Variants in RFWD3 observed in about 807,000 individuals in gnomAD.
The protein encoded by RFWD3 is ring finger and WD repeat domain 3, also known as E3 ubiquitin-protein ligase RFWD3.
A neutral mutation model predicts 87.7 loss-of-function variants in RFWD3; 65 were observed. The observed-to-expected ratio is 0.74, with a 90% CI of 0.61 to 0.91. The LOEUF is 0.91. Among genes scored for constraint, RFWD3 ranks in the 40% least tolerant of loss-of-function variants. RFWD3 has a pLI of 0.00. For synonymous variants in RFWD3, 433 were observed against 352.8 expected (o/e 1.23, Z -2.55); for missense variants, 1,078 against 938.5 (o/e 1.15, Z -1.94).
Position 74,630,918 on chromosome 16 carries a change from T to C in RFWD3, c.1617A>G (p.Gly539=), listed in dbSNP as rs1472614446. 6.2e-7 allele frequency: 1 copy of C among 1,613,950 alleles called. No individual in the cohort carries two copies. Among genetic ancestry groups the C allele is most frequent in the South Asian group, 1.1e-5 (1 of 91,036 alleles). The part of the protein sequence containing the change: ...TNTVVQTYNA[G]RPVWSCCWCL... Reference sequence around the variant, plus strand: ...ACCAGCAACAGCTCCAGACAGGACGTCCAGCATTATAAGTCTGGACCACGG... The same window carrying C: ...ACCAGCAACAGCTCCAGACAGGACGCCCAGCATTATAAGTCTGGACCACGG... The change falls in exon 10 of 13, where the codon GGA becomes GGG. Residue 539 remains glycine (G), a synonymous_variant. Coordinates refer to ENST00000361070, the MANE Select transcript of RFWD3 (RefSeq NM_018124.4).
At chr16:74,627,831 A>G (rs909012553) in intron 11 of RFWD3, among the ~76,000 whole-genome samples, 3 of 152,060 alleles carry the variant, frequency 2.0e-5, no homozygotes, top group African/African-American at 7.3e-5. Flanking sequence ...TAGAGTTTAT[A>G]GCCACTCTCC....
chr16:74,624,801 G>C (rs898434981), intron 12 of RFWD3, among the ~76,000 whole-genome samples: 4 of 152,310 alleles, frequency 2.6e-5, no homozygotes, highest in African/African-American at 9.6e-5. Flanking sequence ...ATTGAGACCA[G>C]CTGGGGCAAT....
rs1958811138 is a variant in RFWD3, at chr16:74,622,948, A to G, written c.*980T>C. 1 of 152,358 alleles carries G rather than the reference A, an allele frequency of 6.6e-6. No homozygotes were observed. Among genetic ancestry groups the G allele is most frequent in the African/African-American group, 2.4e-5 (1 of 41,584 alleles). The allele number at this position is 152,358 out of a possible 1,614,324, so 9.4% of individuals were successfully genotyped here. On this transcript the variant is annotated 3_prime_UTR_variant, in exon 13 of 13. Transcript: ENST00000361070. Reference sequence around the variant, plus strand: ...GCTTTATTTAGATAGGAACTCTCAAAATGGGAGACAAGTTCTTCTCATGTT... The same window carrying G: ...GCTTTATTTAGATAGGAACTCTCAAGATGGGAGACAAGTTCTTCTCATGTT...
At chr16:74,644,848 G>A (rs1959998477) in intron 4 of RFWD3, 113 bp from the exon 5 acceptor site, 1 of 916,264 alleles carries the variant, frequency 1.1e-6, no homozygotes, top group African/African-American at 1.7e-5. Context: ...AATCAAAAGG[G>A]CTACAGAACA....
intron 2 of RFWD3, 156 bp downstream of exon 2, chr16:74,660,776 G>T (rs2144351676): frequency 2.7e-6 from 2 of 749,266 alleles, no homozygotes; most frequent in East Asian, 5.1e-5. Context: ...ACTTTGTGAA[G>T]TAAGGCAAGC....
At chr16:74,652,847 G>A (rs1247881644) in intron 2 of RFWD3, among the ~76,000 whole-genome samples, 2 of 152,098 alleles carry the variant, frequency 1.3e-5, no homozygotes, top group Admixed American at 1.3e-4. Context: ...CAGAATTAAT[G>A]AAACTTTATA....
chr16:74,649,327 T>A, intron 3 of RFWD3, 125 bp from the exon 4 acceptor site: 1 of 611,344 alleles, frequency 1.6e-6, no homozygotes, highest in Non-Finnish European at 2.8e-6. Flanking sequence ...ACAGTGTTCC[T>A]GCAAAAAGGA....
chr16:74,630,726 A>G (rs1342529510), intron 10 of RFWD3, 55 bp downstream of exon 10: 2 of 1,483,712 alleles, frequency 1.3e-6, no homozygotes, highest in Admixed American at 2.3e-5. Context: ...GATTAACACA[A>G]TAATAAGCCA....
At position 74,661,024 on chromosome 16, in the gene RFWD3, T is replaced by G. The variant is rs1468651098; in HGVS notation, c.426A>C (p.Ser142=). Residue 142 remains serine, a synonymous_variant, in exon 2 of 13, where the codon TCA becomes TCC. Coordinates refer to ENST00000361070, the MANE Select transcript of RFWD3 (RefSeq NM_018124.4). ...GMLEFLRPSS[S]NHSVGPMRTR... ...TTCTCATTGGCCCTACACTGTGGTT[T>G]GAAGATGAAGGTCTCAGGAATTCCA... 1.2e-6 allele frequency: 2 copies of G among 1,614,090 alleles called. No individual in the cohort carries two copies. Among genetic ancestry groups the G allele is most frequent in the East Asian group, 2.2e-5 (1 of 44,904 alleles).
At chr16:74,663,186 G>A (rs546871459) in intron 1 of RFWD3, among the ~76,000 whole-genome samples, 124 of 152,114 alleles carry the variant, frequency 8.2e-4, no homozygotes, top group Non-Finnish European at 1.3e-3. Context: ...TTATAGGCAT[G>A]AGCCACCGCG....
chr16:74,639,549 A>C (rs1313395852), intron 6 of RFWD3, among the ~76,000 whole-genome samples: 1 of 152,236 alleles, frequency 6.6e-6, no homozygotes, highest in Non-Finnish European at 1.5e-5. Context: ...AAATGGAAGG[A>C]TATTACATAA....
chr16:74,649,069 G>C, intron 4 of RFWD3, 63 bp downstream of exon 4: 1 of 1,115,620 alleles, frequency 9.0e-7, no homozygotes, highest in Non-Finnish European at 1.3e-6. Flanking sequence ...GTGAGAGTGA[G>C]ACCTAGTCTC....
intron 1 of RFWD3, chr16:74,664,851 C>G (rs1961750839): frequency 6.6e-6 from 1 of 152,226 alleles, no homozygotes; most frequent in Non-Finnish European, 1.5e-5. Context: ...TACTGGACAG[C>G]AGAAATACAG....
intron 2 of RFWD3, among the ~76,000 whole-genome samples, chr16:74,653,124 T>C (rs1233706194): frequency 6.6e-6 from 1 of 151,974 alleles, no homozygotes; most frequent in Admixed American, 6.6e-5. Context: ...AAACTGCTTG[T>C]GCCTAGGAGT....
chr16:74,632,157 G>T (rs548717412), intron 9 of RFWD3, among the ~76,000 whole-genome samples: 1 of 151,826 alleles, frequency 6.6e-6, no homozygotes, highest in Admixed American at 6.6e-5. Context: ...TCAGGAGGCC[G>T]AGGCGGGCGG....
rs750829372 is a variant in RFWD3 at position 74,632,647 on chromosome 16, C to T, written c.1453G>A (p.Ala485Thr). The T allele has an allele frequency of 1.2e-6, 2 of 1,614,076 alleles. No individual in the cohort carries two copies. Among genetic ancestry groups the T allele is most frequent in the Non-Finnish European group, 1.7e-6 (2 of 1,179,988 alleles). The change falls in exon 9 of 13, where the codon GCC (alanine) becomes ACC (threonine). Residue 485 changes from alanine to threonine, a missense_variant. Transcript: ENST00000361070. ...PGFGVKMLST[A>T]NMKSSQYIPM... is the part of the protein sequence containing the mutation. ...ATGTACTGACTGCTCTTCATGTTGG[C>T]AGTACTCAACATCTTAACACCAAAG... is the stretch of plus-strand genomic sequence containing the variant.
At position 74,661,225 on chromosome 16, in the gene RFWD3, T is replaced by C. The variant is rs781201791; in HGVS notation, c.225A>G (p.Gln75=). The part of the protein sequence containing the change: ...ATPPLLQPAP[Q]LSVDLTEVEV... Reference sequence around the variant, plus strand: ...CCACTTCTGTCAGGTCAACAGACAGTTGCGGAGCAGGCTGGAGCAGGGGTG... The same window carrying C: ...CCACTTCTGTCAGGTCAACAGACAGCTGCGGAGCAGGCTGGAGCAGGGGTG... The change falls in exon 2 of 13, where the codon CAA becomes CAG. Residue 75 remains glutamine, a synonymous_variant. Transcript: ENST00000361070. 26 of 1,614,108 alleles carry C rather than the reference T, an allele frequency of 1.6e-5. No individual in the cohort carries two copies. In the Admixed American group the frequency reaches 2.7e-4, roughly 17 times the overall value.
intron 2 of RFWD3, among the ~76,000 whole-genome samples, chr16:74,656,078 C>G (rs1249049802): frequency 6.6e-6 from 1 of 151,872 alleles, no homozygotes; most frequent in African/African-American, 2.4e-5. Context: ...GAAATAAGGC[C>G]AGACACAGTG....
chr16:74,624,619 A>C (rs973846495), intron 12 of RFWD3, among the ~76,000 whole-genome samples: 2 of 151,914 alleles, frequency 1.3e-5, no homozygotes, highest in African/African-American at 4.8e-5. Context: ...CTGGTCTAGA[A>C]CTCCTGACCT....
Sources: allele counts gnomAD v4.1 joint callset (sites outside exome capture counted in the v4.1 genomes callset), GRCh38; gene constraint gnomAD v4.1.1; transcripts MANE v1.5; gene names NCBI Gene and HGNC (gene_info 2026-07-23, HGNC 2026-07-21).